Variants in FOXP1 observed in about 807,000 individuals in gnomAD.
FOXP1 encodes forkhead box P1.
A neutral mutation model predicts 98.2 loss-of-function variants in FOXP1; 15 were observed. That is an observed-to-expected ratio of 0.15 (90% CI 0.10 to 0.24). FOXP1 has a LOEUF of 0.24. Among genes scored for constraint, FOXP1 ranks in the 10% least tolerant of loss-of-function variants. FOXP1 has a pLI of 1.00. For missense variants in FOXP1, 633 were observed against 848.5 expected, an observed-to-expected ratio of 0.75 and a Z score of 3.15; for synonymous variants, 371 against 314.5, an observed-to-expected ratio of 1.18 and a Z score of -1.90.
intron 13 of FOXP1, among the ~76,000 whole-genome samples, chr3:70,993,689 G>A (rs1033322670): frequency 2.6e-5 from 4 of 152,142 alleles, no homozygotes; most frequent in African/African-American, 9.7e-5. Context: ...ATTTCCAAAT[G>A]TTATATTTTT....
chr3:71,228,532 C>T (rs1346335420), intron 5 of FOXP1, among the ~76,000 whole-genome samples: 1 of 152,108 alleles, frequency 6.6e-6, no homozygotes, highest in Non-Finnish European at 1.5e-5. Flanking sequence ...GAAGATGCGT[C>T]CCACTCATAA....
intron 11 of FOXP1, among the ~76,000 whole-genome samples, chr3:71,019,420 T>C (rs2045055848): frequency 6.6e-6 from 1 of 152,238 alleles, no homozygotes; most frequent in Admixed American, 6.5e-5. Context: ...ATTAGACTTC[T>C]AAAACTTTAG....
intron 7 of FOXP1, among the ~76,000 whole-genome samples, chr3:71,105,856 C>A (rs1171525380): frequency 6.6e-6 from 1 of 152,068 alleles, no homozygotes; most frequent in Non-Finnish European, 1.5e-5. Context: ...TAATTGAAAT[C>A]CAGATATTTA....
intron 3 of FOXP1, among the ~76,000 whole-genome samples, chr3:71,456,256 G>A (rs998116953): frequency 6.6e-6 from 1 of 152,160 alleles, no homozygotes; most frequent in Non-Finnish European, 1.5e-5. Context: ...CAGAGAAAGA[G>A]AGAGAGAGGG....
chr3:71,397,040 ATATATATACACATATATATGTG>A (rs2081520810), intron 3 of FOXP1, among the ~76,000 whole-genome samples: 1 of 103,046 alleles, frequency 9.7e-6, no homozygotes, highest in African/African-American at 4.2e-5. Context: ...ATATGTGTAT[ATATATATACACATATATATGTG>A]TATATATATA....
chr3:71,178,293 C>T (rs1055608476), intron 6 of FOXP1, among the ~76,000 whole-genome samples: 2 of 152,100 alleles, frequency 1.3e-5, no homozygotes, highest in Non-Finnish European at 2.9e-5. Flanking sequence ...TACCACCACA[C>T]CTGGCTAATT....
At chr3:71,247,050 T>C (rs1029194626) in intron 5 of FOXP1, among the ~76,000 whole-genome samples, 4 of 152,206 alleles carry the variant, frequency 2.6e-5, no homozygotes, top group African/African-American at 9.7e-5. Flanking sequence ...TTGGGTTTAT[T>C]TGTTTCAATA....
chr3:71,385,211 C>T (rs1437131434), intron 3 of FOXP1, among the ~76,000 whole-genome samples: 2 of 152,132 alleles, frequency 1.3e-5, no homozygotes, highest in African/African-American at 2.4e-5. Flanking sequence ...GACATACCAA[C>T]CCAAATGAAA....
At chr3:71,095,108 C>T (rs562182730) in intron 7 of FOXP1, among the ~76,000 whole-genome samples, 64 of 152,296 alleles carry the variant, frequency 4.2e-4, no homozygotes, top group Non-Finnish European at 8.1e-4. Flanking sequence ...GCGTAGGCAG[C>T]GAAATATTTA....
At chr3:71,180,080 T>G (rs1439760575) in intron 6 of FOXP1, among the ~76,000 whole-genome samples, 2 of 152,180 alleles carry the variant, frequency 1.3e-5, no homozygotes, top group Non-Finnish European at 2.9e-5. Flanking sequence ...ATAGTCTCTC[T>G]GCCAATATTT....
At position 71,107,218 on chromosome 3, in the gene FOXP1, C is replaced by A. The variant is rs922442263; in HGVS notation, c.282+5318G>T. 4.6e-5 allele frequency among the ~76,000 whole-genome samples: 7 copies of A among 152,068 alleles called. No individual in the cohort carries two copies. The South Asian group carries it at 1.2e-3, about 27-fold the overall frequency. On this transcript the variant is annotated intron_variant, in intron 7 of 20. Transcript: ENST00000649528. ...CGAACTCATTATATTACAACTTGCA[C>A]CAAAATTTTGGAGGCAAGGACAAAA...
chr3:71,160,433 T>C (rs1197415372), intron 6 of FOXP1, among the ~76,000 whole-genome samples: 1 of 152,210 alleles, frequency 6.6e-6, no homozygotes, highest in Non-Finnish European at 1.5e-5. Context: ...TCTGTGGTCC[T>C]GAAAAGTGAT....
At chr3:71,222,787 T>C (rs911761927) in intron 5 of FOXP1, among the ~76,000 whole-genome samples, 1 of 152,194 alleles carries the variant, frequency 6.6e-6, no homozygotes, top group African/African-American at 2.4e-5. Context: ...TGCCTACTCA[T>C]TGATGATCAC....
intron 2 of FOXP1, among the ~76,000 whole-genome samples, chr3:71,534,400 T>A (rs1050073190): frequency 6.6e-6 from 1 of 152,032 alleles, no homozygotes; most frequent in Admixed American, 6.6e-5. Flanking sequence ...AGGCTCTCCC[T>A]ATACACTGGT....
chr3:70,960,880 C>A (rs1485520970), intron 20 of FOXP1, among the ~76,000 whole-genome samples: 1 of 143,264 alleles, frequency 7.0e-6, no homozygotes, highest in African/African-American at 2.6e-5. Context: ...CTTGCTCTGT[C>A]GCCCAGGCTG....
chr3:71,239,287 T>C (rs563082074), intron 5 of FOXP1, among the ~76,000 whole-genome samples: 1 of 152,276 alleles, frequency 6.6e-6, no homozygotes, highest in Admixed American at 6.5e-5. Context: ...CTCATGCCTG[T>C]AATCCCAGCA....
chr3:71,341,561 G>C (rs189717390), intron 4 of FOXP1, among the ~76,000 whole-genome samples: 1 of 152,022 alleles, frequency 6.6e-6, no homozygotes, highest in African/African-American at 2.4e-5. Flanking sequence ...CTGAGGTCAG[G>C]AGTTCGACCA....
At chr3:71,300,939 T>C (rs1351884110) in intron 4 of FOXP1, among the ~76,000 whole-genome samples, 1 of 152,206 alleles carries the variant, frequency 6.6e-6, no homozygotes, top group Non-Finnish European at 1.5e-5. Flanking sequence ...TAAAATCTTA[T>C]TTCACGAGGG....
intron 9 of FOXP1, among the ~76,000 whole-genome samples, 174 bp from the exon 10 acceptor site, chr3:71,047,269 T>TG (rs934692054): frequency 6.6e-6 from 1 of 152,012 alleles, no homozygotes; most frequent in African/African-American, 2.4e-5. Flanking sequence ...TGAGGAGGGG[T>TG]GGGGAGATGA....
Sources: allele counts gnomAD v4.1 joint callset (sites outside exome capture counted in the v4.1 genomes callset), GRCh38; gene constraint gnomAD v4.1.1; transcripts MANE v1.5; gene names NCBI Gene and HGNC (gene_info 2026-07-23, HGNC 2026-07-21).